Variants in FGF12 observed in about 807,000 individuals in gnomAD.
FGF12 encodes the protein fibroblast growth factor 12, also known as fibroblast growth factor 12B.
A neutral mutation model predicts 23.6 loss-of-function variants in FGF12; 14 were observed. The observed-to-expected ratio is 0.59, with a 90% CI of 0.39 to 0.93. FGF12 has a LOEUF of 0.93. Among genes scored for constraint, FGF12 ranks in the 40% least tolerant of loss-of-function variants. FGF12 has a pLI of 0.00. For synonymous variants in FGF12, 62 were observed against 77.3 expected, an observed-to-expected ratio of 0.80 and a Z score of 1.04; for missense variants, 175 against 217.8, an observed-to-expected ratio of 0.80 and a Z score of 1.24.
intron 4 of FGF12, among the ~76,000 whole-genome samples, chr3:192,172,312 C>T (rs1715612173): frequency 6.7e-6 from 1 of 150,052 alleles, no homozygotes; most frequent in Non-Finnish European, 1.5e-5. Flanking sequence ...TGACTTGAAC[C>T]AGGGAGGTGG....
At chr3:192,224,370 C>T (rs1458003873) in intron 4 of FGF12, among the ~76,000 whole-genome samples, 1 of 152,032 alleles carries the variant, frequency 6.6e-6, no homozygotes, top group Non-Finnish European at 1.5e-5. Flanking sequence ...TTTCTTTTTC[C>T]TTTTCTCTAG....
Position 192,703,806 on chromosome 3 carries a change from T to G in FGF12, c.13+23375A>C, listed in dbSNP as rs141471868. ...TTATAGTGAGAGAGTTCTCAGGAGA[T>G]CTGATGGTTTTATAAGTGTTTGACA... On this transcript the variant is annotated intron_variant, in intron 2 of 5. Transcript: ENST00000445105. Among the ~76,000 whole-genome samples, 648 of 152,302 alleles carry G rather than the reference T, an allele frequency of 4.3e-3. 2 individuals are homozygous for G. Among genetic ancestry groups the G allele is most frequent in the African/African-American group, 0.014 (579 of 41,560 alleles).
At chr3:192,387,798 C>T (rs960463056) in intron 2 of FGF12, among the ~76,000 whole-genome samples, 3 of 151,632 alleles carry the variant, frequency 2.0e-5, no homozygotes, top group Non-Finnish European at 4.4e-5. Flanking sequence ...GATGTGGGAG[C>T]ATCACCTGAG....
At chr3:192,338,382 C>T (rs998871961) in intron 3 of FGF12, among the ~76,000 whole-genome samples, 1 of 152,096 alleles carries the variant, frequency 6.6e-6, no homozygotes, top group Non-Finnish European at 1.5e-5. Flanking sequence ...CCATTTTTGC[C>T]TTCTTGCAAA....
At chr3:192,244,079 A>G (rs1390891276) in intron 4 of FGF12, among the ~76,000 whole-genome samples, 1 of 152,142 alleles carries the variant, frequency 6.6e-6, no homozygotes, top group East Asian at 1.9e-4. Flanking sequence ...TGCTAGTGAA[A>G]GTGCAGAAAA....
chr3:192,155,217 A>G (rs1266500256), intron 5 of FGF12, among the ~76,000 whole-genome samples: 6 of 151,696 alleles, frequency 4.0e-5, no homozygotes, highest in Non-Finnish European at 8.8e-5. Flanking sequence ...ACTGTCTGGC[A>G]CTCCCTAGTG....
At chr3:192,385,297 A>G (rs897921028) in intron 2 of FGF12, among the ~76,000 whole-genome samples, 7 of 152,158 alleles carry the variant, frequency 4.6e-5, no homozygotes, top group African/African-American at 1.7e-4. Flanking sequence ...TTTAACATAT[A>G]TATGTTGTTT....
chr3:192,682,815 G>A (rs946593023), intron 2 of FGF12, among the ~76,000 whole-genome samples: 4 of 152,216 alleles, frequency 2.6e-5, no homozygotes, highest in Admixed American at 6.5e-5. Context: ...GTCAGAAGGA[G>A]AGGGAAGTTG....
chr3:192,337,839 A>T (rs1476968464), intron 3 of FGF12, among the ~76,000 whole-genome samples: 1 of 152,204 alleles, frequency 6.6e-6, no homozygotes, highest in East Asian at 1.9e-4. Context: ...GTAAAAACTG[A>T]CATATTACCT....
chr3:192,674,098 A>G (rs1717233845), intron 2 of FGF12, among the ~76,000 whole-genome samples: 1 of 150,982 alleles, frequency 6.6e-6, no homozygotes, highest in Non-Finnish European at 1.5e-5. Flanking sequence ...AGGAATTTAC[A>G]TTCATACTCA....
Position 192,411,580 on chromosome 3 carries a change from C to G in FGF12, c.14-51042G>C, listed in dbSNP as rs141331522. On this transcript the variant is annotated intron_variant, in intron 2 of 5. Coordinates refer to ENST00000445105, the MANE Select transcript of FGF12 (RefSeq NM_004113.6). ...CATCTGGATGGGGTGAGGGGCATTA[C>G]TTAACATCAACTGGTAATTCTATCA... is the stretch of plus-strand genomic sequence containing the variant. 3.9e-3 allele frequency among the ~76,000 whole-genome samples: 589 copies of G among 152,306 alleles called. 6 individuals carry two copies. Among genetic ancestry groups the G allele is most frequent in the African/African-American group, 0.013 (545 of 41,554 alleles).
At chr3:192,352,558 T>C (rs1718274806) in intron 3 of FGF12, among the ~76,000 whole-genome samples, 1 of 152,228 alleles carries the variant, frequency 6.6e-6, no homozygotes, top group African/African-American at 2.4e-5. Context: ...CATATAATAA[T>C]AGCTGCCACT....
At chr3:192,726,646 A>T (rs1195838646) in intron 2 of FGF12, among the ~76,000 whole-genome samples, 1 of 152,192 alleles carries the variant, frequency 6.6e-6, no homozygotes, top group Non-Finnish European at 1.5e-5. Context: ...GTTCTAACGC[A>T]TGCTGTTCCA....
In FGF12 at chr3:192,490,722, T is replaced by C. The variant is rs557130076; in HGVS notation, c.14-130184A>G. Among the ~76,000 whole-genome samples, 8 of 152,202 alleles carry C rather than the reference T, an allele frequency of 5.3e-5. No homozygotes were observed. The South Asian group carries it at 1.4e-3, about 28-fold the overall frequency. The stretch of plus-strand genomic sequence containing the variant: ...ACTGAAAATGAACAAATTGCAACTA[T>C]AGCCACATGCAACAATAAGGATAGA... On this transcript the variant is annotated intron_variant, in intron 2 of 5. Transcript: ENST00000445105.
chr3:192,392,405 T>TAAAAATA (rs1463699819), intron 2 of FGF12, among the ~76,000 whole-genome samples: 1 of 89,794 alleles, frequency 1.1e-5, no homozygotes, highest in Admixed American at 1.2e-4. Context: ...CCGTCTCTAC[T>TAAAAATA]AAAAATAAAA....
At chr3:192,700,740 G>T (rs1319637417) in intron 2 of FGF12, among the ~76,000 whole-genome samples, 1 of 152,128 alleles carries the variant, frequency 6.6e-6, no homozygotes, top group Non-Finnish European at 1.5e-5. Flanking sequence ...GATGGGAAGA[G>T]GGGGGTCGGA....
At chr3:192,185,857 T>TA (rs560247896) in intron 4 of FGF12, among the ~76,000 whole-genome samples, 231 of 132,266 alleles carry the variant, frequency 1.7e-3, no homozygotes, top group East Asian at 0.011. Context: ...AGGCTCCGTC[T>TA]AAAAAAAAAA....
At chr3:192,666,284 T>C (rs1185659332) in intron 2 of FGF12, among the ~76,000 whole-genome samples, 1 of 152,248 alleles carries the variant, frequency 6.6e-6, no homozygotes, top group East Asian at 1.9e-4. Flanking sequence ...TTTCAGTCTA[T>C]GAACTTTCTC....
intron 2 of FGF12, among the ~76,000 whole-genome samples, chr3:192,706,418 G>A (rs530163939): frequency 3.3e-5 from 5 of 152,060 alleles, no homozygotes; most frequent in Non-Finnish European, 7.4e-5. Flanking sequence ...CCAAGGTCAC[G>A]TTAAGTCACC....
Sources: gnomAD v4.1 joint callset for allele counts (sites outside exome capture counted in the v4.1 genomes callset) on GRCh38, gnomAD v4.1.1 for gene constraint, MANE v1.5 for transcripts, NCBI Gene and HGNC (gene_info 2026-07-23, HGNC 2026-07-21) for gene names.